Variants in FAM53A observed in about 807,000 individuals in gnomAD.
FAM53A encodes protein FAM53A.
FAM53A carries 28 observed loss-of-function variants against 26.6 expected under a neutral mutation model. The observed-to-expected ratio is 1.05, with a 90% CI of 0.78 to 1.45. FAM53A has a LOEUF of 1.45. Ranked by LOEUF, FAM53A falls within the 40% of genes most tolerant of loss-of-function variation. FAM53A has a pLI of 0.00. For synonymous variants in FAM53A, 290 were observed against 253.1 expected (o/e 1.15, Z -1.38); for missense variants, 650 against 575.8 (o/e 1.13, Z -1.32).
At chr4:1,673,164 T>C (rs995298538) in intron 1 of FAM53A, among the ~76,000 whole-genome samples, 2 of 152,120 alleles carry the variant, frequency 1.3e-5, no homozygotes, top group African/African-American at 4.8e-5. Context: ...TTCAGAAGCA[T>C]GGAGTCAAGA....
chr4:1,606,270 C>T, the FAM53A span, among the ~76,000 whole-genome samples: 1 of 151,394 alleles, frequency 6.6e-6, no homozygotes, highest in Non-Finnish European at 1.5e-5. Flanking sequence ...TGGTCTTGAT[C>T]TCCTGACCTC....
chr4:1,676,447 G>T (rs1409482761), intron 1 of FAM53A, among the ~76,000 whole-genome samples: 1 of 152,122 alleles, frequency 6.6e-6, no homozygotes. Context: ...GAAGTACTGG[G>T]GGGGGTCAGG....
At chr4:1,651,829 G>A (rs1560157035) in intron 4 of FAM53A, among the ~76,000 whole-genome samples, 2 of 152,036 alleles carry the variant, frequency 1.3e-5, no homozygotes, top group Non-Finnish European at 1.5e-5. Flanking sequence ...CAAAGCCGGG[G>A]CTGCATGGAT....
intron 1 of FAM53A, among the ~76,000 whole-genome samples, chr4:1,678,562 C>T (rs556894748): frequency 2.6e-5 from 4 of 152,298 alleles, no homozygotes; most frequent in African/African-American, 9.6e-5. Context: ...TGGCCCACGC[C>T]TGTAATCCTA....
At chr4:1,654,688 G>A (rs891461613) in intron 4 of FAM53A, among the ~76,000 whole-genome samples, 10 of 152,208 alleles carry the variant, frequency 6.6e-5, no homozygotes, top group African/African-American at 9.6e-5. Flanking sequence ...CCACAGCTCC[G>A]TTCTGCTGCC....
rs571437527 is a variant in FAM53A at position 1,657,057 on chromosome 4, C to T, written c.136+351G>A. ...GTATGCCATGGCACGCTCCAGCTGACGCTACAAGCCCTGCCAGCCACGCCG... is the reference window on the plus strand; with the variant it reads ...GTATGCCATGGCACGCTCCAGCTGATGCTACAAGCCCTGCCAGCCACGCCG... On this transcript the variant is annotated intron_variant, in intron 3 of 4. Coordinates refer to ENST00000308132, the MANE Select transcript of FAM53A (RefSeq NM_001174070.3). Among the ~76,000 whole-genome samples the T allele has an allele frequency of 5.9e-5, 9 of 152,352 alleles. No homozygotes were observed. In the South Asian group the frequency reaches 8.3e-4, roughly 14 times the overall value.
upstream of FAM53A, among the ~76,000 whole-genome samples, chr4:1,684,941 T>TG (rs1337290436): frequency 6.6e-6 from 1 of 152,020 alleles, no homozygotes; most frequent in Non-Finnish European, 1.5e-5. Flanking sequence ...ACCGGACTCT[T>TG]GGGGGGTCCC....
At chr4:1,677,878 G>C (rs1715149511) in intron 1 of FAM53A, among the ~76,000 whole-genome samples, 2 of 152,218 alleles carry the variant, frequency 1.3e-5, no homozygotes, top group Non-Finnish European at 2.9e-5. Flanking sequence ...CCGGGAGGCA[G>C]AGGTCGCAAT....
the FAM53A span, among the ~76,000 whole-genome samples, chr4:1,575,339 G>A: frequency 6.6e-6 from 1 of 152,216 alleles, no homozygotes; most frequent in African/African-American, 2.4e-5. Context: ...CCCTGTGCCC[G>A]AGTTGGCATC....
chr4:1,678,964 G>A (rs528671989), intron 1 of FAM53A, among the ~76,000 whole-genome samples: 86 of 151,868 alleles, frequency 5.7e-4, no homozygotes, highest in Non-Finnish European at 3.7e-4. Context: ...TGGGTTTGGC[G>A]ATGACTTCTG....
intron 1 of FAM53A, among the ~76,000 whole-genome samples, chr4:1,678,690 C>T (rs749070491): frequency 6.6e-6 from 1 of 151,956 alleles, no homozygotes; most frequent in Non-Finnish European, 1.5e-5. Flanking sequence ...GGCGTGGTGG[C>T]GTACATCTGT....
rs189847803 is a variant in FAM53A, at chr4:1,657,516, C to A, written c.76-48G>T. On this transcript the variant is annotated intron_variant, in intron 2 of 4. Coordinates refer to ENST00000308132, the MANE Select transcript of FAM53A (RefSeq NM_001174070.3). ...ATACTGTGACTGACACGTGAGAATT[C>A]GGCAATAATATCCCCCATTTTCATC... 4 of 1,528,464 alleles carry A rather than the reference C, an allele frequency of 2.6e-6. No homozygotes were observed. In the South Asian group the frequency reaches 3.4e-5, roughly 13 times the overall value. 94.7% of individuals were successfully genotyped at this position (1,528,464 alleles called of 1,614,324 possible).
At position 1,627,857 on chromosome 4, in the gene FAM53A, C is replaced by G. The variant is rs1715378639; in HGVS notation, c.432-9746G>C. Among the ~76,000 whole-genome samples, 10 of 151,994 alleles carry G rather than the reference C, an allele frequency of 6.6e-5. No individual in the cohort carries two copies. The South Asian group carries it at 2.1e-3, about 32-fold the overall frequency. On this transcript the variant is annotated intron_variant, in intron 1 of 1. Transcript: ENST00000489029. Reference sequence around the variant, plus strand: ...GGGGGCCTGGAGCTTGAGCCATGAGCCTCCCACCCACCATGAAGTGACTCT... The same window carrying G: ...GGGGGCCTGGAGCTTGAGCCATGAGGCTCCCACCCACCATGAAGTGACTCT...
At chr4:1,574,529 G>T in the FAM53A span, 1 of 152,460 alleles carries the variant, frequency 6.6e-6, no homozygotes, top group East Asian at 1.9e-4. Context: ...CATCCAGCAC[G>T]TTTCTTCAGA....
chr4:1,672,189 C>A (rs200423497), intron 1 of FAM53A, among the ~76,000 whole-genome samples: 25 of 42,390 alleles, frequency 5.9e-4, no homozygotes, highest in African/African-American at 1.2e-3. Flanking sequence ...CACGGACCCA[C>A]GGACCCAGGA....
At chr4:1,608,557 T>C in the FAM53A span, among the ~76,000 whole-genome samples, 1 of 152,204 alleles carries the variant, frequency 6.6e-6, no homozygotes, top group Non-Finnish European at 1.5e-5. Context: ...AGGCCCCTGG[T>C]GGGAGGGCCC....
At chr4:1,587,134 T>A in the FAM53A span, among the ~76,000 whole-genome samples, 1 of 152,244 alleles carries the variant, frequency 6.6e-6, no homozygotes, top group African/African-American at 2.4e-5. Flanking sequence ...ATATTTTCGA[T>A]ATGAACCCCT....
chr4:1,576,494 C>T, the FAM53A span, among the ~76,000 whole-genome samples: 3,763 of 152,334 alleles, frequency 0.025, 75 homozygotes, highest in Non-Finnish European at 0.034. Context: ...AATCTGCCTC[C>T]GCGCGCACAC....
At chr4:1,654,859 G>A in intron 4 of FAM53A, 119 bp downstream of exon 4, 1 of 1,363,618 alleles carries the variant, frequency 7.3e-7, no homozygotes, top group Non-Finnish European at 9.7e-7. Flanking sequence ...TTTCCTCCCA[G>A]CCCAGAGAAG....
Sources: gnomAD v4.1 joint callset for allele counts (sites outside exome capture counted in the v4.1 genomes callset) on GRCh38, gnomAD v4.1.1 for gene constraint, MANE v1.5 for transcripts, NCBI Gene and HGNC (gene_info 2026-07-23, HGNC 2026-07-21) for gene names.